SPAG16: variants seen among roughly 807,000 people sequenced by gnomAD.
The protein encoded by SPAG16 is sperm associated antigen 16.
Under a neutral mutation model 80.4 loss-of-function variants are expected in SPAG16, and 86 were observed. The ratio of observed to expected loss-of-function variants is 1.07; its 90% CI spans 0.90 to 1.28. The LOEUF is 1.28. Ranked by LOEUF, SPAG16 falls within the 50% of genes most tolerant of loss-of-function variation. SPAG16 has a pLI of 0.00. For missense variants in SPAG16, 870 were observed against 765.3 expected, an observed-to-expected ratio of 1.14 and a Z score of -1.61; for synonymous variants, 294 against 265.9, an observed-to-expected ratio of 1.11 and a Z score of -1.03.
intron 10 of SPAG16, among the ~76,000 whole-genome samples, chr2:213,523,054 G>A (rs1482896224): frequency 1.3e-5 from 2 of 152,044 alleles, no homozygotes; most frequent in South Asian, 2.1e-4. Flanking sequence ...AATTGATATG[G>A]TTTGGCTGTG....
intron 9 of SPAG16, among the ~76,000 whole-genome samples, chr2:213,451,266 A>T (rs1022330987): frequency 6.6e-6 from 1 of 152,250 alleles, no homozygotes; most frequent in Admixed American, 6.5e-5. Context: ...AGATCCTTTA[A>T]TTCCAATAGG....
chr2:213,546,897 TG>T (rs2076630100), intron 10 of SPAG16, among the ~76,000 whole-genome samples: 2 of 152,126 alleles, frequency 1.3e-5, no homozygotes, highest in African/African-American at 4.8e-5. Context: ...TTAATGAATG[TG>T]TTCTTAAAAT....
At chr2:213,292,999 C>T (rs923286543) in intron 1 of SPAG16, among the ~76,000 whole-genome samples, 3 of 152,176 alleles carry the variant, frequency 2.0e-5, no homozygotes, top group African/African-American at 7.2e-5. Context: ...TGTGTCCCCA[C>T]CCTAATCTCA....
chr2:213,469,788 A>C (rs1212475279), intron 9 of SPAG16, among the ~76,000 whole-genome samples: 1 of 152,134 alleles, frequency 6.6e-6, no homozygotes, highest in East Asian at 1.9e-4. Context: ...GACTGATTTC[A>C]TCTTGATAGT....
At chr2:213,563,475 G>A (rs923748972) in intron 10 of SPAG16, among the ~76,000 whole-genome samples, 6 of 152,156 alleles carry the variant, frequency 3.9e-5, no homozygotes, top group African/African-American at 1.4e-4. Flanking sequence ...TCCCAGCATG[G>A]CTAGCTTCTA....
At position 213,805,884 on chromosome 2, in the gene SPAG16, C is replaced by T. The variant is rs73986966; in HGVS notation, c.1071-56601C>T. On this transcript the variant is annotated intron_variant, in intron 10 of 15. Coordinates refer to ENST00000331683, the MANE Select transcript of SPAG16 (RefSeq NM_024532.5). ...ATAATGCCTAAGGCATGGTAAAAAG[C>T]CAAGTTGTAGGCAGTGTAGCAAATT... Among the ~76,000 whole-genome samples the T allele has an allele frequency of 1.4e-3, 208 of 152,122 alleles. 2 individuals are homozygous for T. Among genetic ancestry groups the T allele is most frequent in the African/African-American group, 4.7e-3 (195 of 41,512 alleles).
At chr2:213,997,982 A>C (rs2046608497) in intron 12 of SPAG16, among the ~76,000 whole-genome samples, 1 of 152,246 alleles carries the variant, frequency 6.6e-6, no homozygotes, top group South Asian at 2.1e-4. Context: ...TGTGAATTAA[A>C]GTCAGAAATT....
chr2:214,223,041 A>G (rs977384292), intron 15 of SPAG16, among the ~76,000 whole-genome samples: 3 of 152,226 alleles, frequency 2.0e-5, no homozygotes, highest in African/African-American at 7.2e-5. Flanking sequence ...CAAAAATTTT[A>G]CCTTTCATTT....
chr2:214,143,555 T>C (rs1450079219), intron 14 of SPAG16, among the ~76,000 whole-genome samples: 1 of 152,182 alleles, frequency 6.6e-6, no homozygotes, highest in Admixed American at 6.5e-5. Context: ...TACGATTTTG[T>C]GTCTTATGAT....
At chr2:213,742,294 C>T (rs2067590458) in intron 10 of SPAG16, among the ~76,000 whole-genome samples, 1 of 152,062 alleles carries the variant, frequency 6.6e-6, no homozygotes, top group South Asian at 2.1e-4. Flanking sequence ...TTAATAAATT[C>T]ATTTGTCTTC....
intron 13 of SPAG16, among the ~76,000 whole-genome samples, chr2:214,042,022 A>G (rs2049057781): frequency 6.9e-6 from 1 of 145,638 alleles, no homozygotes; most frequent in Non-Finnish European, 1.5e-5. Context: ...ACACACACAA[A>G]TATATACACA....
intron 10 of SPAG16, among the ~76,000 whole-genome samples, chr2:213,644,708 TTC>T (rs966880934): frequency 2.6e-5 from 4 of 151,834 alleles, no homozygotes; most frequent in Non-Finnish European, 5.9e-5. Flanking sequence ...CTTTCTCTCT[TTC>T]TCTCTCTCTC....
At chr2:213,628,606 G>T (rs557430072) in intron 10 of SPAG16, among the ~76,000 whole-genome samples, 95 of 152,254 alleles carry the variant, frequency 6.2e-4, no homozygotes, top group Admixed American at 5.8e-3. Flanking sequence ...TCACAACTTG[G>T]ATTCGCACAA....
At chr2:214,057,884 A>G (rs753927226) in intron 13 of SPAG16, among the ~76,000 whole-genome samples, 4 of 151,412 alleles carry the variant, frequency 2.6e-5, no homozygotes, top group Non-Finnish European at 4.4e-5. Context: ...CTTAAACTTC[A>G]TGAACCAACT....
chr2:214,382,452 A>ATAAG (rs1170849968), intron 15 of SPAG16, among the ~76,000 whole-genome samples: 1 of 152,210 alleles, frequency 6.6e-6, no homozygotes, highest in African/African-American at 2.4e-5. Context: ...CATTAGTGTA[A>ATAAG]TAAGTACGTT....
At position 213,884,447 on chromosome 2, in the gene SPAG16, A is replaced by G. The variant is rs566131702; in HGVS notation, c.1214+21819A>G. Among the ~76,000 whole-genome samples the G allele has an allele frequency of 6.4e-4, 98 of 152,038 alleles. No homozygotes were observed. In the South Asian group the frequency reaches 0.02, roughly 30 times the overall value. Reference sequence around the variant, plus strand: ...TTTAAGATGTTTTTCTTTTTCATTGACCTTGATGAACCTGATGGCTATATC... The same window carrying G: ...TTTAAGATGTTTTTCTTTTTCATTGGCCTTGATGAACCTGATGGCTATATC... On this transcript the variant is annotated intron_variant, in intron 11 of 15. Coordinates refer to ENST00000331683, the MANE Select transcript of SPAG16 (RefSeq NM_024532.5).
intron 11 of SPAG16, among the ~76,000 whole-genome samples, chr2:213,924,745 T>G (rs1018862809): frequency 4.6e-5 from 7 of 152,204 alleles, no homozygotes; most frequent in Non-Finnish European, 8.8e-5. Flanking sequence ...TGAATTTGTT[T>G]CTTTTTAGCC....
At chr2:213,397,426 C>T (rs572955799) in intron 9 of SPAG16, among the ~76,000 whole-genome samples, 16 of 152,242 alleles carry the variant, frequency 1.1e-4, no homozygotes, top group South Asian at 2.1e-4. Flanking sequence ...CATACCCTTC[C>T]GTGAATCTCA....
At chr2:213,423,805 T>G (rs2069743233) in intron 9 of SPAG16, among the ~76,000 whole-genome samples, 1 of 152,234 alleles carries the variant, frequency 6.6e-6, no homozygotes, top group Admixed American at 6.5e-5. Context: ...GTGTCTAAAC[T>G]AAGCTCAAAT....
Sources: gnomAD v4.1 joint callset for allele counts (sites outside exome capture counted in the v4.1 genomes callset) on GRCh38, gnomAD v4.1.1 for gene constraint, MANE v1.5 for transcripts, NCBI Gene and HGNC (gene_info 2026-07-23, HGNC 2026-07-21) for gene names.